Variants in ITPR1 observed in about 807,000 individuals in gnomAD.
ITPR1 encodes the protein inositol 1,4,5-trisphosphate receptor type 1.
Under a neutral mutation model 318.4 loss-of-function variants are expected in ITPR1, and 96 were observed. The observed-to-expected ratio is 0.30, with a 90% CI of 0.26 to 0.36. The LOEUF (loss-of-function observed/expected upper bound fraction) is 0.36, where lower values mean the gene tolerates loss of function less well. Among genes scored for constraint, ITPR1 ranks in the 10% least tolerant of loss-of-function variants. The pLI is 1.00. For synonymous variants in ITPR1, 1,312 were observed against 1,289.9 expected (o/e 1.02, Z -0.37); for missense variants, 2,440 against 3,460.2 (o/e 0.71, Z 7.40).
At chr3:4,715,912 A>T (rs1313267649) in intron 39 of ITPR1, among the ~76,000 whole-genome samples, 2 of 152,212 alleles carry the variant, frequency 1.3e-5, no homozygotes, top group African/African-American at 4.8e-5. Flanking sequence ...ACTGAAGAAG[A>T]TGGCCAGAGA....
intron 41 of ITPR1, among the ~76,000 whole-genome samples, chr3:4,726,881 A>G (rs1415170399): frequency 3.9e-5 from 6 of 152,344 alleles, no homozygotes; most frequent in Non-Finnish European, 8.8e-5. Flanking sequence ...ATGTTGGCCA[A>G]AAAGTCATAT....
At chr3:4,658,906 C>T (rs777942511) in intron 13 of ITPR1, among the ~76,000 whole-genome samples, 3 of 152,094 alleles carry the variant, frequency 2.0e-5, no homozygotes, top group Non-Finnish European at 4.4e-5. Context: ...ATGCTAGACA[C>T]AAAGCTAAGT....
intron 52 of ITPR1, 45 bp from the exon 53 acceptor site, chr3:4,795,020 G>T: frequency 6.5e-7 from 1 of 1,541,940 alleles, no homozygotes; most frequent in Admixed American, 1.9e-5. Flanking sequence ...TGGCGTTCCG[G>T]CTTGGGGTCT....
intron 4 of ITPR1, among the ~76,000 whole-genome samples, chr3:4,621,648 C>T (rs1289629311): frequency 1.3e-5 from 2 of 152,202 alleles, no homozygotes; most frequent in Non-Finnish European, 2.9e-5. Context: ...CGATGCCTTC[C>T]CATGGCCTGC....
intron 44 of ITPR1, chr3:4,749,677 C>T (rs1235370613): frequency 1.3e-5 from 2 of 152,294 alleles, no homozygotes; most frequent in African/African-American, 2.4e-5. Context: ...GCATTGAATT[C>T]ACCAGCACCT....
At chr3:4,523,267 C>T (rs1486699900) in intron 4 of ITPR1, among the ~76,000 whole-genome samples, 1 of 152,112 alleles carries the variant, frequency 6.6e-6, no homozygotes, top group Non-Finnish European at 1.5e-5. Context: ...ACGAAGTTAA[C>T]TAGTGGCTAT....
chr3:4,566,796 T>C (rs1317448469), intron 4 of ITPR1, among the ~76,000 whole-genome samples: 2 of 152,240 alleles, frequency 1.3e-5, no homozygotes, highest in East Asian at 1.9e-4. Context: ...CTACTAGATA[T>C]TCTGTTGGCA....
intron 4 of ITPR1, among the ~76,000 whole-genome samples, chr3:4,626,284 G>A (rs2125126733): frequency 6.6e-6 from 1 of 152,120 alleles, no homozygotes; most frequent in East Asian, 1.9e-4. Flanking sequence ...AAAGTAGAAG[G>A]TAATAACTCA....
At chr3:4,510,889 G>A (rs931698958) in intron 2 of ITPR1, among the ~76,000 whole-genome samples, 1 of 152,180 alleles carries the variant, frequency 6.6e-6, no homozygotes, top group African/African-American at 2.4e-5. Flanking sequence ...AGGGACGAGA[G>A]TGTTGTGGGC....
At chr3:4,567,036 A>G (rs1242134740) in intron 4 of ITPR1, among the ~76,000 whole-genome samples, 1 of 152,214 alleles carries the variant, frequency 6.6e-6, no homozygotes, top group East Asian at 1.9e-4. Context: ...CTCAAGAAAG[A>G]CATTTAATCT....
intron 2 of ITPR1, among the ~76,000 whole-genome samples, chr3:4,514,398 G>GGGGTA (rs2082043435): frequency 6.6e-6 from 1 of 152,212 alleles, no homozygotes; most frequent in Non-Finnish European, 1.5e-5. Flanking sequence ...GCAATGATCA[G>GGGGTA]CTGCAAGCAA....
intron 4 of ITPR1, among the ~76,000 whole-genome samples, chr3:4,539,696 T>C (rs367987306): frequency 6.6e-6 from 1 of 152,218 alleles, no homozygotes; most frequent in East Asian, 1.9e-4. Flanking sequence ...ATGGATTTAA[T>C]GGGTTAATGG....
chr3:4,505,182 T>A (rs1220756396), intron 2 of ITPR1, among the ~76,000 whole-genome samples: 1 of 152,152 alleles, frequency 6.6e-6, no homozygotes, highest in Non-Finnish European at 1.5e-5. Flanking sequence ...GCTGCCTAAC[T>A]TTAAAGGAAG....
At chr3:4,654,477 C>T (rs939427356) in intron 12 of ITPR1, among the ~76,000 whole-genome samples, 4 of 152,276 alleles carry the variant, frequency 2.6e-5, no homozygotes, top group Admixed American at 6.5e-5. Context: ...AATGCTGATA[C>T]GTAGACACTT....
chr3:4,597,051 G>T (rs2090885277), intron 4 of ITPR1, among the ~76,000 whole-genome samples: 2 of 152,320 alleles, frequency 1.3e-5, no homozygotes. Flanking sequence ...GGAACTATGT[G>T]GCCTGTCTGA....
intron 52 of ITPR1, among the ~76,000 whole-genome samples, chr3:4,791,694 C>T (rs1018676445): frequency 6.6e-6 from 1 of 152,142 alleles, no homozygotes; most frequent in African/African-American, 2.4e-5. Flanking sequence ...GGGCAGACAA[C>T]AACGGCATAT....
chr3:4,687,795 C>A (rs2125239859), intron 30 of ITPR1, among the ~76,000 whole-genome samples: 1 of 152,156 alleles, frequency 6.6e-6, no homozygotes, highest in East Asian at 1.9e-4. Flanking sequence ...GGGTATTATC[C>A]CCATTTTGCT....
chr3:4,683,350 A>T, intron 26 of ITPR1, 36 bp from the exon 27 acceptor site: 1 of 1,612,990 alleles, frequency 6.2e-7, no homozygotes, highest in Non-Finnish European at 8.5e-7. Context: ...GGCATTTGTC[A>T]TTCATTTGGC....
chr3:4,752,580 T>C (rs568818150), intron 44 of ITPR1, among the ~76,000 whole-genome samples: 1 of 152,392 alleles, frequency 6.6e-6, no homozygotes, highest in African/African-American at 2.4e-5. Flanking sequence ...CATAAAGTTA[T>C]ACTTCAGCTG....
Sources: allele counts gnomAD v4.1 joint callset (sites outside exome capture counted in the v4.1 genomes callset), GRCh38; gene constraint gnomAD v4.1.1; transcripts MANE v1.5; gene names NCBI Gene and HGNC (gene_info 2026-07-23, HGNC 2026-07-21).